DRP2: variants seen among roughly 807,000 people sequenced by gnomAD.
DRP2 encodes dystrophin-related protein 2.
Under a neutral mutation model 78.2 loss-of-function variants are expected in DRP2, and 29 were observed. That is an observed-to-expected ratio of 0.37 (90% CI 0.28 to 0.51). DRP2 has a LOEUF of 0.51. Ranked by LOEUF, DRP2 falls within the 20% of genes least tolerant of loss-of-function variation. DRP2 has a pLI of 0.94. For synonymous variants in DRP2, 290 were observed against 281.9 expected, an observed-to-expected ratio of 1.03 and a Z score of -0.29; for missense variants, 686 against 770.6, an observed-to-expected ratio of 0.89 and a Z score of 1.30.
chrX:101,232,217 C>T (rs184556071), intron 3 of DRP2, among the ~76,000 whole-genome samples: 1 of 111,119 alleles, frequency 9.0e-6, no homozygotes, highest in African/African-American at 3.3e-5. Context: ...CTCATCCCCA[C>T]TTAGAATTCC....
Position 101,235,983 on chromosome X carries a change from C to G in DRP2, c.241C>G (p.Leu81Val). ...ACCCCTGGAACCACCAGCCATGAATCTGTGTTGGAATGAAATAAAAAAGAA... is the reference window on the plus strand; with the variant it reads ...ACCCCTGGAACCACCAGCCATGAATGTGTGTTGGAATGAAATAAAAAAGAA... ...SGPLEPPAMNLCWNEIKKKSH... is the reference protein window; with the variant it reads ...SGPLEPPAMNVCWNEIKKKSH... The change falls in exon 4 of 24, where the codon CTG becomes GTG. Residue 81 changes from leucine (L) to valine (V), a missense_variant. Coordinates refer to ENST00000395209, the MANE Select transcript of DRP2 (RefSeq NM_001939.3). 8.3e-7 allele frequency: 1 copy of G among 1,211,874 alleles called. No homozygotes were observed. The highest frequency in any genetic ancestry group is 1.1e-6 in the Non-Finnish European group (1 of 895,543).
At chrX:101,220,712 A>G (rs1921865139) in intron 1 of DRP2, among the ~76,000 whole-genome samples, 1 of 111,069 alleles carries the variant, frequency 9.0e-6, no homozygotes, top group African/African-American at 3.3e-5. Context: ...TCTTTGCTGA[A>G]GTAAACCAGG....
intron 3 of DRP2, among the ~76,000 whole-genome samples, chrX:101,234,765 G>T (rs189127381): frequency 9.1e-6 from 1 of 110,470 alleles, no homozygotes; most frequent in Non-Finnish European, 1.9e-5. Context: ...TCCCTTTCTC[G>T]GTGTGGCTGT....
chrX:101,241,099 T>C (rs181728280), intron 6 of DRP2, among the ~76,000 whole-genome samples: 9 of 112,545 alleles, frequency 8.0e-5, no homozygotes, highest in Non-Finnish European at 9.4e-5. Context: ...CTATACCTTT[T>C]ATAATGTCTT....
At chrX:101,260,423 A>G in intron 23 of DRP2, 74 bp from the exon 24 acceptor site, 1 of 1,151,189 alleles carries the variant, frequency 8.7e-7, no homozygotes, top group Admixed American at 2.5e-5. Context: ...TTCAGCTGGC[A>G]GAATTCTATC....
At chrX:101,253,871 A>G (rs1230532761) in intron 17 of DRP2, among the ~76,000 whole-genome samples, 1 of 111,580 alleles carries the variant, frequency 9.0e-6, no homozygotes, top group East Asian at 2.8e-4. Context: ...TGGTAGACTG[A>G]TAATCCTCTA....
At chrX:101,247,345 C>T (rs1922967912) in intron 12 of DRP2, among the ~76,000 whole-genome samples, 181 bp downstream of exon 12, 2 of 111,618 alleles carry the variant, frequency 1.8e-5, no homozygotes, top group Admixed American at 9.5e-5. Flanking sequence ...CTTCCACTCT[C>T]GCTAGGCCCC....
intron 5 of DRP2, among the ~76,000 whole-genome samples, chrX:101,238,691 C>T (rs1255771531): frequency 9.0e-6 from 1 of 111,442 alleles, no homozygotes; most frequent in Non-Finnish European, 1.9e-5. Flanking sequence ...TTCCATAAGA[C>T]CCTTACAGGA....
chrX:101,235,007 C>G (rs1480521537), intron 3 of DRP2, among the ~76,000 whole-genome samples: 2 of 110,965 alleles, frequency 1.8e-5, no homozygotes, highest in Non-Finnish European at 3.8e-5. Flanking sequence ...ATTCCCCTTC[C>G]CTCTGCCTGC....
At chrX:101,250,006 G>T (rs1923072832) in intron 14 of DRP2, among the ~76,000 whole-genome samples, 1 of 111,529 alleles carries the variant, frequency 9.0e-6, no homozygotes, top group African/African-American at 3.3e-5. Context: ...AGATGGTATG[G>T]CAGCCTGACT....
rs759144575 is a variant in DRP2 at position 101,251,193 on chromosome X, T to G, written c.1865+110T>G. On this transcript the variant is annotated intron_variant, in intron 16 of 23. Coordinates refer to ENST00000395209, the MANE Select transcript of DRP2 (RefSeq NM_001939.3). ...CTAATTATTATATAATTACAGCTAG[T>G]CTATTGTACATTATTATATACTGTT... 96 of 727,046 alleles carry G rather than the reference T, an allele frequency of 1.3e-4. No individual in the cohort carries two copies. The African/African-American group carries it at 1.7e-3, about 13-fold the overall frequency. The allele number at this position is 727,046 out of a possible 1,213,427, so 59.9% of individuals were successfully genotyped here.
At chrX:101,248,350 G>T in intron 13 of DRP2, 60 bp downstream of exon 13, 1 of 1,153,824 alleles carries the variant, frequency 8.7e-7, no homozygotes, top group Non-Finnish European at 1.2e-6. Flanking sequence ...TCTCAAGTGG[G>T]CCTGGTGGGA....
chrX:101,244,725 T>C (rs1386961244), intron 9 of DRP2, among the ~76,000 whole-genome samples: 1 of 112,229 alleles, frequency 8.9e-6, no homozygotes, highest in Non-Finnish European at 1.9e-5. Flanking sequence ...AGGGAGAAGA[T>C]TGTCAGGGTG....
At chrX:101,233,086 G>A (rs757261929) in intron 3 of DRP2, among the ~76,000 whole-genome samples, 9 of 112,244 alleles carry the variant, frequency 8.0e-5, no homozygotes, top group Non-Finnish European at 1.7e-4. Flanking sequence ...AAAGAAATGT[G>A]CCTATTGTGT....
chrX:101,258,692 G>A (rs985793833), intron 22 of DRP2, 146 bp downstream of exon 22: 3 of 498,043 alleles, frequency 6.0e-6, no homozygotes, highest in Admixed American at 4.0e-5. Flanking sequence ...CTGGGCCTGC[G>A]GTTGGTGGGG....
At chrX:101,233,131 C>T (rs5967274) in intron 3 of DRP2, among the ~76,000 whole-genome samples, 27,224 of 110,656 alleles carry the variant, frequency 0.25, 2,875 homozygotes, top group African/African-American at 0.37. Context: ...GAGAGTATAC[C>T]GGGAAGTAGG....
chrX:101,231,744 A>C lies in DRP2; in HGVS notation c.97A>C (p.Ser33Arg). 8.3e-7 allele frequency: 1 copy of C among 1,209,689 alleles called. No individual in the cohort carries two copies. Among genetic ancestry groups the C allele is most frequent in the Non-Finnish European group, 1.1e-6 (1 of 894,016 alleles). Residue 33 changes from serine to arginine, a missense_variant, in exon 3 of 24, where the codon AGC becomes CGC. Coordinates refer to ENST00000395209, the MANE Select transcript of DRP2 (RefSeq NM_001939.3). ...GTTCCATCATAGCAGCAGCCTCCGA[A>C]GCACCTGCCCCCACCCTCAGGTAAG... ...DQFHHSSSLRSTCPHPQVRAA... is the reference protein window; with the variant it reads ...DQFHHSSSLRRTCPHPQVRAA...
In DRP2 at chrX:101,248,573, G is replaced by T; in HGVS notation, c.1514G>T (p.Gly505Val). 8.3e-7 allele frequency: 1 copy of T among 1,212,013 alleles called. No homozygotes were observed. The highest frequency in any genetic ancestry group is 1.1e-6 in the Non-Finnish European group (1 of 895,451). Residue 505 changes from glycine (G) to valine (V), a missense_variant, in exon 14 of 24, where the codon GGC (glycine) becomes GTC (valine). Around this residue, in one of 2 missense-constraint regions of DRP2, gnomAD observed 423 missense variants for 531.5 expected, o/e 0.80. Coordinates refer to ENST00000395209, the MANE Select transcript of DRP2 (RefSeq NM_001939.3). The part of the protein sequence containing the change: ...SFKTGIACLC[G>V]TEVKEKLQYL... ...AAGACTGGCATTGCATGCTTGTGTG[G>T]CACGGAAGTGAAGGAAAAACTTCAG...
At position 101,256,269 on chromosome X, in the gene DRP2, T is replaced by C; in HGVS notation, c.2390+8T>C. On this transcript the variant is annotated splice_region_variant and intron_variant, in intron 21 of 23. Coordinates refer to ENST00000395209, the MANE Select transcript of DRP2 (RefSeq NM_001939.3). ...CTTGGAAGATGAGAACCGGTGGGTG[T>C]GATGATAGCAGAAATCTGTGTGGGT... 1 of 1,167,899 alleles carries C rather than the reference T, an allele frequency of 8.6e-7. No individual in the cohort carries two copies. The highest frequency in any genetic ancestry group is 1.1e-6 in the Non-Finnish European group (1 of 875,222).
Sources: gnomAD v4.1 joint callset for allele counts (sites outside exome capture counted in the v4.1 genomes callset) on GRCh38, gnomAD v4.1.1 for gene constraint, gnomAD v4.1.1 regional missense constraint, MANE v1.5 for transcripts, NCBI Gene and HGNC (gene_info 2026-07-23, HGNC 2026-07-21) for gene names.